Variants in IL2RB observed in about 807,000 individuals in gnomAD.
IL2RB encodes the protein interleukin-2 receptor subunit beta.
In IL2RB, 17 loss-of-function variants were observed where a neutral mutation model predicts 44.2. The observed-to-expected ratio is 0.38, with a 90% CI of 0.26 to 0.58. The LOEUF (loss-of-function observed/expected upper bound fraction) is 0.58. Among genes scored for constraint, IL2RB ranks in the 20% least tolerant of loss-of-function variants. The pLI is 0.63. For synonymous variants in IL2RB, 286 were observed against 297.9 expected (o/e 0.96, Z 0.41); for missense variants, 624 against 685.5 (o/e 0.91, Z 1.00).
At chr22:37,137,829 C>A in intron 5 of IL2RB, 94 bp from the exon 6 acceptor site, 1 of 1,127,304 alleles carries the variant, frequency 8.9e-7, no homozygotes, top group Non-Finnish European at 1.3e-6. Context: ...CATGCTACCA[C>A]CTCCCCTACC....
chr22:37,149,987 G>T (rs1181773907), upstream of IL2RB: 1 of 876,638 alleles, frequency 1.1e-6, no homozygotes, highest in Non-Finnish European at 1.4e-6. Flanking sequence ...GAGGGGCAAG[G>T]CCTGGGGTGG....
At chr22:37,166,688 A>G (rs1473097109) in intron 1 of IL2RB, 2 of 152,222 alleles carry the variant, frequency 1.3e-5, no homozygotes, top group Non-Finnish European at 2.9e-5. Context: ...AGGTGGGCCC[A>G]GAAGTTGCCA....
At chr22:37,150,489 G>A (rs190517880), upstream of IL2RB, among the ~76,000 whole-genome samples, 1 of 152,104 alleles carries the variant, frequency 6.6e-6, no homozygotes, top group African/African-American at 2.4e-5. Flanking sequence ...TGAGGCACAT[G>A]AGCTATTTTG....
chr22:37,128,714 G>C lies in IL2RB; in HGVS notation c.1038C>G (p.Pro346=), dbSNP rs771604727. The change falls in exon 10 of 10, where the codon CCC becomes CCG. Residue 346 remains proline, a synonymous_variant. Coordinates refer to ENST00000216223, the MANE Select transcript of IL2RB (RefSeq NM_000878.5). The surrounding 1 kb of genome is among the most constrained non-coding windows in gnomAD (Gnocchi z 4.5). ...LLLQQDKVPE[P]ASLSSNHSLT... ...GCGAGTGGTTGCTGCTTAAGGATGC[G>C]GGCTCAGGCACCTTGTCCTGCTGCA... 8 of 1,614,150 alleles carry C rather than the reference G, an allele frequency of 5.0e-6. No individual in the cohort carries two copies. The Admixed American group carries it at 1.3e-4, about 27-fold the overall frequency.
intron 2 of IL2RB, 147 bp downstream of exon 2, chr22:37,143,938 T>C (rs1463855483): frequency 1.1e-6 from 1 of 895,024 alleles, no homozygotes; most frequent in African/African-American, 1.7e-5. Context: ...CATGCATGCA[T>C]GCCAGGGCAG....
At chr22:37,163,730 A>G (rs1922962603) in intron 1 of IL2RB, among the ~76,000 whole-genome samples, 1 of 152,252 alleles carries the variant, frequency 6.6e-6, no homozygotes, top group South Asian at 2.1e-4. Flanking sequence ...TGAGTGGAGC[A>G]GAGGGATGCT....
chr22:37,138,991 T>C, intron 5 of IL2RB, 126 bp downstream of exon 5: 2 of 627,760 alleles, frequency 3.2e-6, no homozygotes, highest in Middle Eastern at 8.1e-4. Flanking sequence ...CAGCGGGCGG[T>C]GAGGTGATCA....
Position 37,128,741 on chromosome 22 carries a change from G to A in IL2RB, c.1011C>T (p.Leu337=), listed in dbSNP as rs762294864. 1.2e-6 allele frequency: 2 copies of A among 1,614,012 alleles called. No homozygotes were observed. Among genetic ancestry groups the A allele is most frequent in the African/African-American group, 2.7e-5 (2 of 74,928 alleles). The part of the protein sequence containing the change: ...VLERDKVTQL[L]LQQDKVPEPA... The stretch of plus-strand genomic sequence containing the variant: ...GCTCAGGCACCTTGTCCTGCTGCAG[G>A]AGCAGCTGCGTCACCTTGTCCCTCT... The change falls in exon 10 of 10, where the codon CTC becomes CTT. Residue 337 remains leucine, a synonymous_variant. Coordinates refer to ENST00000216223, the MANE Select transcript of IL2RB (RefSeq NM_000878.5). The surrounding 1 kb of genome is among the most constrained non-coding windows in gnomAD (Gnocchi z 4.5).
chr22:37,137,899 A>G (rs886205367), intron 5 of IL2RB, among the ~76,000 whole-genome samples, 164 bp from the exon 6 acceptor site: 1 of 149,978 alleles, frequency 6.7e-6, no homozygotes, highest in African/African-American at 2.5e-5. Context: ...CTCAATGATC[A>G]CCTCTTGAGA....
chr22:37,151,993 C>T (rs143826981), upstream of IL2RB, among the ~76,000 whole-genome samples: 365 of 152,300 alleles, frequency 2.4e-3, 5 homozygotes, highest in African/African-American at 7.2e-3. Flanking sequence ...AATTTGAAGT[C>T]AGATAATGTG....
In IL2RB at chr22:37,158,929, C is replaced by T. The variant is rs188744386; in HGVS notation, c.-33-14724G>A. 1.8e-4 allele frequency among the ~76,000 whole-genome samples: 28 copies of T among 152,356 alleles called. No individual in the cohort carries two copies. The East Asian group carries it at 5.0e-3, about 27-fold the overall frequency. On this transcript the variant is annotated intron_variant, in intron 1 of 5. Transcript: ENST00000429622. ...GCACCCAGGGAGGAAAGCATTTTGT[C>T]CACAGCCACAACGCTGGTTGGCAAA...
intron 1 of IL2RB, among the ~76,000 whole-genome samples, chr22:37,149,147 G>A (rs920344835): frequency 1.3e-5 from 2 of 152,110 alleles, no homozygotes; most frequent in African/African-American, 4.8e-5. Context: ...CGGCCCCCAG[G>A]AGAGGAGAGA....
chr22:37,128,431 G>A lies in IL2RB; in HGVS notation c.1321C>T (p.Pro441Ser), dbSNP rs764933753. Residue 441 changes from proline to serine, a missense_variant, in exon 10 of 10, where the codon CCA becomes TCA. Physicochemically the swap from Pro to Ser is moderately conservative, Grantham distance 74 (BLOSUM62 -1). This residue lies in a region of IL2RB where 291 missense variants were observed against 275.5 expected (regional missense o/e 1.06). Coordinates refer to ENST00000216223, the MANE Select transcript of IL2RB (RefSeq NM_000878.5). The surrounding 1 kb of genome is among the most constrained non-coding windows in gnomAD (Gnocchi z 4.5). Reference protein sequence around the residue: ...SPSLLGGPSPPSTAPGGSGAG... With the variant: ...SPSLLGGPSPSSTAPGGSGAG... The stretch of plus-strand genomic sequence containing the variant: ...CCACTGCCCCCAGGGGCAGTGCTTG[G>A]GGGGCTGGGGCCACCGAGGAGACTG... 1 of 1,534,488 alleles carries A rather than the reference G, an allele frequency of 6.5e-7. No individual in the cohort carries two copies. Among genetic ancestry groups the A allele is most frequent in the East Asian group, 2.3e-5 (1 of 44,100 alleles).
At chr22:37,159,072 G>C (rs1277646011) in intron 1 of IL2RB, among the ~76,000 whole-genome samples, 2 of 152,200 alleles carry the variant, frequency 1.3e-5, no homozygotes, top group African/African-American at 4.8e-5. Flanking sequence ...CAGGTAGAGT[G>C]AAAACATTCT....
chr22:37,139,623 C>A (rs1434424530), intron 4 of IL2RB, among the ~76,000 whole-genome samples: 2 of 152,166 alleles, frequency 1.3e-5, no homozygotes, highest in Non-Finnish European at 2.9e-5. Flanking sequence ...AGGAGGCATG[C>A]AAGCTGGTAA....
Position 37,136,313 on chromosome 22 carries a change from A to T in IL2RB, c.618T>A (p.Phe206Leu). ...ETLTPDTQYEFQVRVKPLQGE... is the reference protein window; with the variant it reads ...ETLTPDTQYELQVRVKPLQGE... ...CTTGCAGAGGCTTGACCCGCACCTG[A>T]AACTCATACTGGGTGTCTGGGGTGA... Residue 206 changes from phenylalanine to leucine, a missense_variant, in exon 7 of 10, where the codon TTT becomes TTA. Physicochemically the swap from Phe to Leu is conservative, Grantham distance 22. Around this residue, in one of 3 missense-constraint regions of IL2RB, gnomAD observed 255 missense variants for 339.9 expected, o/e 0.75. Coordinates refer to ENST00000216223, the MANE Select transcript of IL2RB (RefSeq NM_000878.5). The T allele has an allele frequency of 6.2e-7, 1 of 1,613,266 alleles. No individual in the cohort carries two copies.
intron 2 of IL2RB, 142 bp downstream of exon 2, chr22:37,143,943 G>A: frequency 9.4e-7 from 1 of 1,063,152 alleles, no homozygotes; most frequent in Non-Finnish European, 1.4e-6. Flanking sequence ...ATGCATGCCA[G>A]GGCAGGGGTC....
Position 37,128,972 on chromosome 22 carries a change from TC to T in IL2RB, c.904-125del. 1 of 1,151,502 alleles carries T rather than the reference TC, an allele frequency of 8.7e-7. No homozygotes were observed. Among genetic ancestry groups the T allele is most frequent in the Non-Finnish European group, 1.2e-6 (1 of 839,384 alleles). 71.3% of individuals were successfully genotyped at this position (1,151,502 alleles called of 1,614,324 possible). On this transcript the variant is annotated intron_variant, in intron 9 of 9. Transcript: ENST00000216223. The surrounding 1 kb of genome is among the most constrained non-coding windows in gnomAD (Gnocchi z 4.5). ...AAGCAGTTGGCCCAGGGCTGCCCCA[TC>T]CAGGAAGCTCTCCCTGATTATAGCC...
intron 1 of IL2RB, among the ~76,000 whole-genome samples, chr22:37,156,251 C>T (rs1225152788): frequency 1.3e-5 from 2 of 152,210 alleles, no homozygotes; most frequent in Non-Finnish European, 2.9e-5. Context: ...AACCAAGACC[C>T]CTTGAACTTC....
Sources: allele counts gnomAD v4.1 joint callset (sites outside exome capture counted in the v4.1 genomes callset), GRCh38; gene constraint gnomAD v4.1.1; regional missense constraint gnomAD v4.1.1; non-coding constraint Gnocchi (gnomAD v3.1); transcripts MANE v1.5; gene names NCBI Gene and HGNC (gene_info 2026-07-23, HGNC 2026-07-21).